UBE2L3: variants seen among roughly 807,000 people sequenced by gnomAD.
The protein encoded by UBE2L3 is ubiquitin conjugating enzyme E2 L3.
In UBE2L3, 1 loss-of-function variant was observed where a neutral mutation model predicts 17.8. The ratio of observed to expected loss-of-function variants is 0.06; its 90% confidence interval spans 0.02 to 0.27. The LOEUF (loss-of-function observed/expected upper bound fraction) is 0.27. UBE2L3 is among the 10% of genes least tolerant of loss of function. The probability of loss-of-function intolerance (pLI) is 1.00; values close to 1 mark genes in which losing one functional copy is unlikely to be tolerated. For missense variants in UBE2L3, 40 were observed against 192.6 expected (o/e 0.21, Z 4.69); for synonymous variants, 44 against 68.5 (o/e 0.64, Z 1.76).
intron 1 of UBE2L3, among the ~76,000 whole-genome samples, chr22:21,577,603 A>G (rs1375634061): frequency 6.6e-6 from 1 of 152,184 alleles, no homozygotes; most frequent in Non-Finnish European, 1.5e-5. Context: ...CCCAACATCA[A>G]GGTCCCCTGC....
chr22:21,575,666 G>A (rs1216377929), intron 1 of UBE2L3, among the ~76,000 whole-genome samples: 3 of 91,152 alleles, frequency 3.3e-5, no homozygotes, highest in South Asian at 4.5e-4. Flanking sequence ...TTTTGGAGAC[G>A]GAGTCTCACT....
chr22:21,588,463 C>CTTTTTTTTTTTTTT (rs1255043408), intron 1 of UBE2L3, among the ~76,000 whole-genome samples: 1 of 103,336 alleles, frequency 9.7e-6, no homozygotes, highest in Non-Finnish European at 1.9e-5. Context: ...TTTCTTCTTT[C>CTTTTTTTTTTTTTT]TTTTTTTTTT....
intron 2 of UBE2L3, among the ~76,000 whole-genome samples, chr22:21,603,302 C>T (rs111277596): frequency 0.028 from 4,287 of 151,906 alleles, 201 homozygotes; most frequent in African/African-American, 0.095. Flanking sequence ...CCGAGGCAGG[C>T]GGATCACCTG....
intron 2 of UBE2L3, among the ~76,000 whole-genome samples, chr22:21,596,732 C>A (rs551069080): frequency 6.6e-6 from 1 of 152,264 alleles, no homozygotes; most frequent in South Asian, 2.1e-4. Context: ...GGTGATCCAC[C>A]CATCTCAGCC....
intron 2 of UBE2L3, among the ~76,000 whole-genome samples, chr22:21,609,318 A>C (rs1929350253): frequency 6.6e-6 from 1 of 152,228 alleles, no homozygotes; most frequent in Admixed American, 6.5e-5. Context: ...AGCTTTATTC[A>C]TTAATTGCTA....
chr22:21,581,566 C>T (rs1267575947), intron 1 of UBE2L3, among the ~76,000 whole-genome samples: 1 of 152,104 alleles, frequency 6.6e-6, no homozygotes, highest in Admixed American at 6.6e-5. Context: ...CTTTGGGAGG[C>T]CTAGATGGGC....
At position 21,568,346 on chromosome 22, in the gene UBE2L3, T is replaced by G. The variant is rs1209392578; in HGVS notation, c.27+575T>G. 14 of 985,140 alleles carry G rather than the reference T, an allele frequency of 1.4e-5. No individual in the cohort carries two copies. The Admixed American group carries it at 8.6e-4, about 61-fold the overall frequency. The allele number at this position is 985,140 out of a possible 1,614,324, so 61.0% of individuals were successfully genotyped here. On this transcript the variant is annotated intron_variant, in intron 1 of 3. Coordinates refer to ENST00000342192, the MANE Select transcript of UBE2L3 (RefSeq NM_003347.4). ...GGAATTGCGCTGGGTCCTAGCAAAC[T>G]GTCGCCTTGTGACTGCAGAGTCACA...
In UBE2L3 at chr22:21,568,176, G is replaced by A. The variant is rs562777407; in HGVS notation, c.27+405G>A. 1.8e-4 allele frequency: 178 copies of A among 1,001,854 alleles called. No homozygotes were observed. In the African/African-American group the frequency reaches 3.0e-3, roughly 17 times the overall value. 62.1% of individuals were successfully genotyped at this position (1,001,854 alleles called of 1,614,324 possible). ...GCCCCTGCCCGGAGCCCGCGCCGCG[G>A]AACCGCCCCGCCCTGGGCCGCAGCG... On this transcript the variant is annotated intron_variant, in intron 1 of 3. Coordinates refer to ENST00000342192, the MANE Select transcript of UBE2L3 (RefSeq NM_003347.4).
intron 3 of UBE2L3, among the ~76,000 whole-genome samples, chr22:21,618,254 T>G (rs910280448): frequency 6.6e-6 from 1 of 151,810 alleles, no homozygotes; most frequent in Non-Finnish European, 1.5e-5. Flanking sequence ...AATGGCATCT[T>G]TTGAGAAATA....
intron 3 of UBE2L3, among the ~76,000 whole-genome samples, chr22:21,615,670 G>A (rs961054278): frequency 1.3e-5 from 2 of 152,132 alleles, no homozygotes; most frequent in South Asian, 2.1e-4. Context: ...CTGCGTTTGC[G>A]AATTTGCCTA....
intron 2 of UBE2L3, among the ~76,000 whole-genome samples, chr22:21,605,825 A>G (rs1212944416): frequency 6.6e-6 from 1 of 150,660 alleles, no homozygotes; most frequent in Non-Finnish European, 1.5e-5. Flanking sequence ...CTTTTTTGAG[A>G]CAGGTTCTCA....
chr22:21,612,643 C>CTTTTTTTTTTTTTTTTTTTTTTTTTTTTT lies in UBE2L3; in HGVS notation c.310+1628_310+1629insTTTTTTTTTTTTTTTTTTTTTTTTTTTTT, dbSNP rs57678378. On this transcript the variant is annotated intron_variant, in intron 3 of 3. Transcript: ENST00000342192. ...CCCAGCCGATTTTTTCTTTTCTTTT[C>CTTTTTTTTTTTTTTTTTTTTTTTTTTTTT]TTTTTTTTTTTTTTTTTTTTTTTTT... 2.9e-4 allele frequency among the ~76,000 whole-genome samples: 15 copies of CTTTTTTTTTTTTTTTTTTTTTTTTTTTTT among 52,492 alleles called. 4 individuals carry two copies. The East Asian group carries it at 3.0e-3, about 10-fold the overall frequency. The allele number at this position is 52,492 out of a possible 152,430, so 34.4% of individuals were successfully genotyped here.
At chr22:21,605,916 G>C (rs1929132927) in intron 2 of UBE2L3, among the ~76,000 whole-genome samples, 1 of 151,912 alleles carries the variant, frequency 6.6e-6, no homozygotes, top group Non-Finnish European at 1.5e-5. Flanking sequence ...TGATCCTCCT[G>C]CCTTAGCCTC....
chr22:21,580,239 A>G (rs1450708723), intron 1 of UBE2L3, among the ~76,000 whole-genome samples: 1 of 152,168 alleles, frequency 6.6e-6, no homozygotes, highest in African/African-American at 2.4e-5. Flanking sequence ...GGCATGCTCT[A>G]TACAAGTTCT....
chr22:21,562,960 A>G (rs1926497586), upstream of UBE2L3, among the ~76,000 whole-genome samples: 1 of 150,608 alleles, frequency 6.6e-6, no homozygotes, highest in South Asian at 2.1e-4. Flanking sequence ...CAAAAAATTT[A>G]TTGCCAGGCA....
At chr22:21,596,878 C>T (rs1371722615) in intron 2 of UBE2L3, among the ~76,000 whole-genome samples, 2 of 152,132 alleles carry the variant, frequency 1.3e-5, no homozygotes, top group Non-Finnish European at 2.9e-5. Context: ...TTTTACGTTA[C>T]AGCCATTCTA....
chr22:21,621,032 G>A (rs1368103384), intron 3 of UBE2L3, among the ~76,000 whole-genome samples: 1 of 152,160 alleles, frequency 6.6e-6, no homozygotes, highest in East Asian at 1.9e-4. Flanking sequence ...GCATGGTGGT[G>A]CACGACTGTA....
At chr22:21,557,346 G>A (rs550770160) in intron 1 of UBE2L3, among the ~76,000 whole-genome samples, 4 of 152,364 alleles carry the variant, frequency 2.6e-5, no homozygotes, top group South Asian at 4.1e-4. Flanking sequence ...CCACCTGGAC[G>A]AAAGAGCCAG....
At chr22:21,561,650 C>T (rs546355002) in intron 1 of UBE2L3, among the ~76,000 whole-genome samples, 2 of 152,266 alleles carry the variant, frequency 1.3e-5, no homozygotes, top group Non-Finnish European at 2.9e-5. Flanking sequence ...AAATTGAGTC[C>T]CTGCCACGAT....
Sources: gnomAD v4.1 joint callset for allele counts (sites outside exome capture counted in the v4.1 genomes callset) on GRCh38, gnomAD v4.1.1 for gene constraint, MANE v1.5 for transcripts, NCBI Gene and HGNC (gene_info 2026-07-23, HGNC 2026-07-21) for gene names.